BRCA1: variants seen among roughly 807,000 people sequenced by gnomAD.
The protein encoded by BRCA1 is breast cancer type 1 susceptibility protein.
BRCA1 carries 140 observed loss-of-function variants against 173.7 expected under a neutral mutation model. That is an observed-to-expected ratio of 0.81 (90% CI 0.70 to 0.93). BRCA1 has a LOEUF of 0.93. Among genes scored for constraint, BRCA1 ranks in the 40% least tolerant of loss-of-function variants. The probability of loss-of-function intolerance (pLI) is 0.00; values close to 1 mark genes in which losing one functional copy is unlikely to be tolerated. For missense variants in BRCA1, 1,983 were observed against 2,172.5 expected (o/e 0.91, Z 1.73); for synonymous variants, 662 against 756.0 (o/e 0.88, Z 2.04).
chr17:43,098,977 C>T (rs1011857148), intron 7 of BRCA1, among the ~76,000 whole-genome samples: 8 of 150,536 alleles, frequency 5.3e-5, no homozygotes, highest in African/African-American at 2.0e-4. Context: ...GCCACCACCC[C>T]GGCTAATTTT....
At chr17:43,148,971 C>T (rs529451306) in intron 1 of BRCA1, among the ~76,000 whole-genome samples, 13 of 152,178 alleles carry the variant, frequency 8.5e-5, no homozygotes, top group Non-Finnish European at 1.2e-4. Flanking sequence ...TGATATTTTG[C>T]GGGGGACTGG....
rs1337440049 is a variant in BRCA1, at chr17:43,044,954, C to T, written c.*724G>A. On this transcript the variant is annotated 3_prime_UTR_variant, in exon 23 of 23. Coordinates refer to ENST00000357654, the MANE Select transcript of BRCA1 (RefSeq NM_007294.4). Reference sequence around the variant, plus strand: ...GAGTAGCTGGGATTACAGGTGTCCACCACCATGACCGGCTAATTTCTGTAT... The same window carrying T: ...GAGTAGCTGGGATTACAGGTGTCCATCACCATGACCGGCTAATTTCTGTAT... 7 of 477,922 alleles carry T rather than the reference C, an allele frequency of 1.5e-5. No homozygotes were observed. Among genetic ancestry groups the T allele is most frequent in the Admixed American group, 9.6e-5 (4 of 41,744 alleles). The allele number at this position is 477,922 out of a possible 1,614,324, so 29.6% of individuals were successfully genotyped here. A position where few individuals can be genotyped will look rare whatever the true frequency, so the allele number is the denominator to read the frequency against.
chr17:43,049,417 C>T lies in BRCA1; in HGVS notation c.5333-223G>A, dbSNP rs78467612. On this transcript the variant is annotated intron_variant, in intron 20 of 22. Coordinates refer to ENST00000357654, the MANE Select transcript of BRCA1 (RefSeq NM_007294.4). ...CTCTGGTTATCAGTCTCCATAAGGC[C>T]ACTTGGTATAAGGTTTGATAGTCTC... Among the ~76,000 whole-genome samples, 3 of 151,940 alleles carry T rather than the reference C, an allele frequency of 2.0e-5. No homozygotes were observed. The South Asian group carries it at 6.2e-4, about 31-fold the overall frequency.
upstream of BRCA1, among the ~76,000 whole-genome samples, chr17:43,128,245 AGGAGGAATGAACAACTCCAGACG>A (rs1342184092): frequency 5.3e-5 from 8 of 152,216 alleles, no homozygotes; most frequent in Non-Finnish European, 7.4e-5. Context: ...CGAACCCACC[AGGAGGAATGAACAACTCCAGACG>A]GGAGGAACGA....
chr17:43,128,855 A>C (rs2055939953), upstream of BRCA1, among the ~76,000 whole-genome samples: 1 of 146,334 alleles, frequency 6.8e-6, no homozygotes, highest in Non-Finnish European at 1.5e-5. Context: ...TCGCTTTCTC[A>C]AAGACCAGCC....
intron 3 of BRCA1, among the ~76,000 whole-genome samples, chr17:43,110,743 G>T (rs544822119): frequency 3.9e-5 from 6 of 152,258 alleles, no homozygotes; most frequent in African/African-American, 1.4e-4. Context: ...GGGAGGTGGA[G>T]GTGGGCGGAT....
rs981692397 is a variant in BRCA1, at chr17:43,066,078, G to A, written c.5074+1530C>T. On this transcript the variant is annotated intron_variant, in intron 16 of 22. Coordinates refer to ENST00000357654, the MANE Select transcript of BRCA1 (RefSeq NM_007294.4). ...TCACTCCATTGGAGAATACAGTGGGGCTCTGGATCTGTACTTCACTTGCTC... is the reference window on the plus strand; with the variant it reads ...TCACTCCATTGGAGAATACAGTGGGACTCTGGATCTGTACTTCACTTGCTC... Among the ~76,000 whole-genome samples, 4 of 152,144 alleles carry A rather than the reference G, an allele frequency of 2.6e-5. 1 individual carries two copies. Among genetic ancestry groups the A allele is most frequent in the Non-Finnish European group, 5.9e-5 (4 of 68,020 alleles).
At chr17:43,049,052 C>T (rs2051064330) in intron 21 of BRCA1, 69 bp downstream of exon 21, 1 of 1,472,088 alleles carries the variant, frequency 6.8e-7, no homozygotes, top group Non-Finnish European at 9.5e-7. Context: ...TAGGGACTGA[C>T]AGGTGCCAGT....
intron 11 of BRCA1, among the ~76,000 whole-genome samples, chr17:43,084,253 A>G (rs2053142656): frequency 6.6e-6 from 1 of 152,044 alleles, no homozygotes; most frequent in Non-Finnish European, 1.5e-5. Context: ...GATGGTCTGG[A>G]TCTCCTGACC....
At chr17:43,162,528 T>C (rs998511179) in intron 1 of BRCA1, 1 of 152,182 alleles carries the variant, frequency 6.6e-6, no homozygotes, top group African/African-American at 2.4e-5. Context: ...CTGGGCTACA[T>C]ACCTTGTACA....
At position 43,101,767 on chromosome 17, in the gene BRCA1, G is replaced by T. The variant is rs191341657; in HGVS notation, c.442-1887C>A. Among the ~76,000 whole-genome samples the T allele has an allele frequency of 1.8e-3, 275 of 152,240 alleles. 2 individuals are homozygous for T. Among genetic ancestry groups the T allele is most frequent in the Non-Finnish European group, 2.7e-3 (186 of 68,014 alleles). On this transcript the variant is annotated intron_variant, in intron 6 of 22. Transcript: ENST00000357654. Reference sequence around the variant, plus strand: ...TCTGCCTGCCTCAGCCTCCCGAAGTGCTGGGATTACAGGTGCAAGCTACTA... The same window carrying T: ...TCTGCCTGCCTCAGCCTCCCGAAGTTCTGGGATTACAGGTGCAAGCTACTA...
chr17:43,160,799 AAT>A (rs1454224915), intron 1 of BRCA1: 1 of 152,166 alleles, frequency 6.6e-6, no homozygotes, highest in Non-Finnish European at 1.5e-5. Flanking sequence ...TAGACAGATC[AAT>A]AGTGATTTAT....
At chr17:43,169,819 C>A in intron 1 of BRCA1, 1 of 272,598 alleles carries the variant, frequency 3.7e-6, no homozygotes, top group Non-Finnish European at 7.3e-6. Flanking sequence ...TGAGAAACCC[C>A]ACGGCCTGTC....
chr17:43,154,364 A>G (rs1412880636), intron 1 of BRCA1, among the ~76,000 whole-genome samples: 1 of 151,884 alleles, frequency 6.6e-6, no homozygotes, highest in East Asian at 1.9e-4. Flanking sequence ...GGCGCCTGTA[A>G]TCCCAGGTAC....
chr17:43,080,052 G>A (rs1335163344), intron 12 of BRCA1, among the ~76,000 whole-genome samples: 4 of 152,058 alleles, frequency 2.6e-5, no homozygotes, highest in Non-Finnish European at 5.9e-5. Context: ...CTACTTGCTG[G>A]CTGGTTTAGG....
chr17:43,143,442 A>G (rs1042277200), intron 1 of BRCA1, among the ~76,000 whole-genome samples: 1 of 152,164 alleles, frequency 6.6e-6, no homozygotes, highest in Admixed American at 6.6e-5. Flanking sequence ...GCACGCACAC[A>G]GGGCTGCTTC....
At chr17:43,061,474 A>C (rs1172462037) in intron 18 of BRCA1, among the ~76,000 whole-genome samples, 1 of 152,204 alleles carries the variant, frequency 6.6e-6, no homozygotes, top group African/African-American at 2.4e-5. Context: ...TAGTGCCCAG[A>C]ACACAGTAGG....
chr17:43,049,407 T>A (rs2051110668), intron 20 of BRCA1, among the ~76,000 whole-genome samples: 1 of 152,136 alleles, frequency 6.6e-6, no homozygotes, highest in African/African-American at 2.4e-5. Context: ...GTTATCAGTC[T>A]CCATAAGGCC....
At chr17:43,100,701 ATGTAATCCCAGCACTTTGGG>A (rs2054434089) in intron 6 of BRCA1, among the ~76,000 whole-genome samples, 1 of 26,674 alleles carries the variant, frequency 3.7e-5, no homozygotes, top group Non-Finnish European at 1.5e-4. Flanking sequence ...ATATATATAT[ATGTAATCCCAGCACTTTGGG>A]ATATATGTGT....
Sources: allele counts gnomAD v4.1 joint callset (sites outside exome capture counted in the v4.1 genomes callset), GRCh38; gene constraint gnomAD v4.1.1; transcripts MANE v1.5; gene names NCBI Gene and HGNC (gene_info 2026-07-23, HGNC 2026-07-21).